Variants in RBFOX1 observed in about 807,000 individuals in gnomAD.
RBFOX1 encodes the protein RNA binding protein fox-1 homolog 1.
RBFOX1 carries 8 observed loss-of-function variants against 57.7 expected under a neutral mutation model. That is an observed-to-expected ratio of 0.14 (90% CI 0.08 to 0.25). RBFOX1 has a LOEUF of 0.25. Among genes scored for constraint, RBFOX1 ranks in the 10% least tolerant of loss-of-function variants. The pLI, the probability that RBFOX1 is intolerant of heterozygous loss-of-function variation, is 1.00. For missense variants in RBFOX1, 611 were observed against 548.5 expected (o/e 1.11, Z -1.14); for synonymous variants, 326 against 222.4 (o/e 1.47, Z -4.15).
At chr16:7,353,377 C>G (rs1339494587) in intron 4 of RBFOX1, among the ~76,000 whole-genome samples, 1 of 152,144 alleles carries the variant, frequency 6.6e-6, no homozygotes, top group Non-Finnish European at 1.5e-5. Context: ...ATGTAAAATT[C>G]CGCAGCTACT....
At chr16:6,849,358 C>T (rs1238453284) in intron 3 of RBFOX1, among the ~76,000 whole-genome samples, 1 of 152,136 alleles carries the variant, frequency 6.6e-6, no homozygotes, top group Non-Finnish European at 1.5e-5. Flanking sequence ...AAAATATAGT[C>T]TTATACTTTA....
At chr16:5,251,755 G>A (rs1206374856) in intron 1 of RBFOX1, among the ~76,000 whole-genome samples, 1 of 31,606 alleles carries the variant, frequency 3.2e-5, no homozygotes, top group African/African-American at 1.3e-4. Context: ...TGATCTGGAT[G>A]ATGGTTGTGT....
chr16:7,517,902 C>T (rs892742924), intron 4 of RBFOX1, among the ~76,000 whole-genome samples: 3 of 151,564 alleles, frequency 2.0e-5, no homozygotes, highest in East Asian at 3.9e-4. Flanking sequence ...TTGGAAAAAG[C>T]GACTTTATCT....
At chr16:5,878,415 AAG>A (rs1270899397) in intron 4 of RBFOX1, among the ~76,000 whole-genome samples, 19 of 152,226 alleles carry the variant, frequency 1.2e-4, no homozygotes, top group Non-Finnish European at 2.2e-4. Context: ...CAAGGCTCAG[AAG>A]AGTTTATGGG....
Position 7,626,069 on chromosome 16 carries a change from C to A in RBFOX1, c.677-4534C>A, listed in dbSNP as rs910739036. 2.6e-5 allele frequency among the ~76,000 whole-genome samples: 4 copies of A among 152,290 alleles called. No individual in the cohort carries two copies. In the South Asian group the frequency reaches 6.2e-4, roughly 24 times the overall value. On this transcript the variant is annotated intron_variant, in intron 10 of 15. Coordinates refer to ENST00000550418, the MANE Select transcript of RBFOX1 (RefSeq NM_018723.4). ...CATAGATAGGGTTTCTAGGAGAAGC[C>A]AGAGCTGAGTCCAGAAAGGAGTTAC...
chr16:6,574,585 A>T (rs931021286), intron 2 of RBFOX1, among the ~76,000 whole-genome samples: 2 of 149,462 alleles, frequency 1.3e-5, no homozygotes. Context: ...CCCGCCACCA[A>T]GCCCAGCTAA....
chr16:5,978,876 C>A (rs1227690183), intron 4 of RBFOX1, among the ~76,000 whole-genome samples: 2 of 152,164 alleles, frequency 1.3e-5, no homozygotes, highest in Admixed American at 1.3e-4. Flanking sequence ...CAATACTGTT[C>A]ATCACGGTGC....
rs549634112 is a variant in RBFOX1 at position 6,284,882 on chromosome 16, C to T, written c.-126-32113C>T. ...GTTCTTCTCATTAAAGGCTTATTAACTGCAGTTTGTGAAATGGAGTGAAAA... is the reference window on the plus strand; with the variant it reads ...GTTCTTCTCATTAAAGGCTTATTAATTGCAGTTTGTGAAATGGAGTGAAAA... On this transcript the variant is annotated intron_variant, in intron 1 of 15. Transcript: ENST00000550418. Among the ~76,000 whole-genome samples the T allele has an allele frequency of 5.3e-5, 8 of 152,252 alleles. No individual in the cohort carries two copies. In the South Asian group the frequency reaches 1.4e-3, roughly 28 times the overall value.
upstream of RBFOX1, among the ~76,000 whole-genome samples, chr16:6,015,058 T>A (rs985025804): frequency 6.6e-6 from 1 of 152,052 alleles, no homozygotes; most frequent in African/African-American, 2.4e-5. Flanking sequence ...GGTTTCACAG[T>A]GTTTCCCAGG....
chr16:6,550,739 G>C lies in RBFOX1; in HGVS notation c.-63-103864G>C, dbSNP rs1243224659. Reference sequence around the variant, plus strand: ...ATTGTTATACTTCATAAAATACTTTGTACCTACTTCAGTTTTAGTTTCTAA... The same window carrying C: ...ATTGTTATACTTCATAAAATACTTTCTACCTACTTCAGTTTTAGTTTCTAA... On this transcript the variant is annotated intron_variant, in intron 2 of 15. Transcript: ENST00000550418. Among the ~76,000 whole-genome samples the C allele has an allele frequency of 2.0e-5, 3 of 152,266 alleles. No individual in the cohort carries two copies. In the South Asian group the frequency reaches 6.2e-4, roughly 32 times the overall value.
At chr16:5,833,057 T>C (rs1456565422) in intron 3 of RBFOX1, among the ~76,000 whole-genome samples, 1 of 152,148 alleles carries the variant, frequency 6.6e-6, no homozygotes, top group Admixed American at 6.5e-5. Context: ...TTTCAGGGTG[T>C]CCACAGATTT....
intron 1 of RBFOX1, among the ~76,000 whole-genome samples, chr16:5,259,641 C>G (rs2062682767): frequency 6.6e-6 from 1 of 152,166 alleles, no homozygotes; most frequent in Non-Finnish European, 1.5e-5. Context: ...AGACAAAAAT[C>G]ATTTTAAGAA....
chr16:7,053,117 T>C (rs79088752), intron 4 of RBFOX1, among the ~76,000 whole-genome samples: 3,361 of 152,304 alleles, frequency 0.022, 115 homozygotes, highest in African/African-American at 0.075. Flanking sequence ...AGTCTCATGA[T>C]GGCAATAATT....
chr16:6,522,154 AGTGT>A (rs35360830), intron 2 of RBFOX1, among the ~76,000 whole-genome samples: 7,361 of 142,614 alleles, frequency 0.052, 243 homozygotes, highest in Middle Eastern at 0.095. Flanking sequence ...GGGGACCCAC[AGTGT>A]GTGTGTGTGT....
At chr16:7,043,807 CTT>C (rs1302676294) in intron 3 of RBFOX1, among the ~76,000 whole-genome samples, 3 of 152,196 alleles carry the variant, frequency 2.0e-5, no homozygotes, top group Non-Finnish European at 4.4e-5. Context: ...GCACTTGACT[CTT>C]GTGTCATATT....
At chr16:7,346,324 A>G (rs866377862) in intron 4 of RBFOX1, among the ~76,000 whole-genome samples, 2 of 151,828 alleles carry the variant, frequency 1.3e-5, no homozygotes, top group Non-Finnish European at 1.5e-5. Flanking sequence ...AGAGTAAACC[A>G]CGATGGCAGA....
At chr16:6,886,009 A>G (rs569384256) in intron 3 of RBFOX1, among the ~76,000 whole-genome samples, 13 of 152,080 alleles carry the variant, frequency 8.5e-5, no homozygotes, top group African/African-American at 3.1e-4. Flanking sequence ...AAAGTTATTA[A>G]CGAGATTTCA....
chr16:7,367,093 C>T (rs1241473406), intron 4 of RBFOX1, among the ~76,000 whole-genome samples: 1 of 150,946 alleles, frequency 6.6e-6, no homozygotes, highest in Admixed American at 6.6e-5. Flanking sequence ...AATATGGTGT[C>T]AGTGAATCAT....
intron 4 of RBFOX1, among the ~76,000 whole-genome samples, chr16:7,171,270 C>G (rs76975273): frequency 0.012 from 1,876 of 152,282 alleles, 46 homozygotes; most frequent in African/African-American, 0.043. Context: ...CCTTGAAACC[C>G]CAATTTCCTC....
Sources: allele counts gnomAD v4.1 joint callset (sites outside exome capture counted in the v4.1 genomes callset), GRCh38; gene constraint gnomAD v4.1.1; transcripts MANE v1.5; gene names NCBI Gene and HGNC (gene_info 2026-07-23, HGNC 2026-07-21).